ARID1B: variants seen among roughly 807,000 people sequenced by gnomAD.
ARID1B encodes the protein AT-rich interaction domain 1B, also known as AT-rich interactive domain-containing protein 1B.
A neutral mutation model predicts 212.3 loss-of-function variants in ARID1B; 30 were observed. The ratio of observed to expected loss-of-function variants is 0.14; its 90% CI spans 0.11 to 0.19. ARID1B has a LOEUF of 0.19. ARID1B is among the 10% of genes least tolerant of loss of function. The pLI is 1.00. For missense variants in ARID1B, 2,891 were observed against 3,204.0 expected (o/e 0.90, Z 2.36); for synonymous variants, 1,402 against 1,301.7 (o/e 1.08, Z -1.66).
At chr6:156,901,228 C>T (rs757369967) in intron 2 of ARID1B, 148 bp from the exon 3 acceptor site, 15 of 910,604 alleles carry the variant, frequency 1.6e-5, no homozygotes, top group Non-Finnish European at 2.0e-5. Context: ...AGCAGCGTGT[C>T]GATTTGTTTA....
rs1164805779 is a variant in ARID1B at position 156,945,233 on chromosome 6, C to CTTTTTTTTTTTTTTTTTT, written c.2247+9675_2247+9692dup. On this transcript the variant is annotated intron_variant, in intron 4 of 19. Coordinates refer to ENST00000636930, the MANE Select transcript of ARID1B (RefSeq NM_001374828.1). ...GACCGGTGTGAGCCCCCGCATCCGG[C>CTTTTTTTTTTTTTTTTTT]TTTTTTTTTTTTTTTTTTTTTTTTT... 9.2e-5 allele frequency among the ~76,000 whole-genome samples: 3 copies of CTTTTTTTTTTTTTTTTTT among 32,662 alleles called. 1 individual carries two copies. Among genetic ancestry groups the CTTTTTTTTTTTTTTTTTT allele is most frequent in the Non-Finnish European group, 1.2e-4 (2 of 17,240 alleles). 21.4% of individuals were successfully genotyped at this position (32,662 alleles called of 152,430 possible).
chr6:157,076,615 T>A (rs1784327780), intron 4 of ARID1B, among the ~76,000 whole-genome samples: 1 of 151,936 alleles, frequency 6.6e-6, no homozygotes, highest in Admixed American at 6.6e-5. Context: ...ACAGTAAAGT[T>A]GTTGTGGGTT....
chr6:157,100,757 T>G (rs1484422664), intron 5 of ARID1B, among the ~76,000 whole-genome samples: 1 of 152,210 alleles, frequency 6.6e-6, no homozygotes, highest in East Asian at 1.9e-4. Flanking sequence ...TGAGATAAGA[T>G]GTACAGTGAT....
intron 5 of ARID1B, among the ~76,000 whole-genome samples, chr6:157,109,005 T>C (rs964917303): frequency 1.3e-5 from 2 of 152,244 alleles, no homozygotes; most frequent in African/African-American, 2.4e-5. Flanking sequence ...ACAATTGTTT[T>C]ATAGTAATAT....
intron 8 of ARID1B, among the ~76,000 whole-genome samples, chr6:157,161,545 G>T (rs1562314074): frequency 6.6e-6 from 1 of 151,850 alleles, no homozygotes; most frequent in Non-Finnish European, 1.5e-5. Context: ...TACTGCTTTG[G>T]AAGAGTCACC....
intron 1 of ARID1B, among the ~76,000 whole-genome samples, chr6:156,805,661 G>T (rs1182845409): frequency 3.3e-5 from 5 of 151,942 alleles, no homozygotes; most frequent in African/African-American, 1.2e-4. Context: ...ATAGGAAAAA[G>T]AATTACATAT....
At chr6:156,980,842 G>A (rs1777562483) in intron 4 of ARID1B, among the ~76,000 whole-genome samples, 1 of 152,194 alleles carries the variant, frequency 6.6e-6, no homozygotes. Context: ...TTGACATACA[G>A]AAGAATACAC....
intron 4 of ARID1B, among the ~76,000 whole-genome samples, chr6:156,992,730 A>G (rs1443328205): frequency 6.6e-6 from 1 of 152,120 alleles, no homozygotes; most frequent in African/African-American, 2.4e-5. Context: ...GGGCCTTGGA[A>G]GACTGCCCTG....
intron 4 of ARID1B, among the ~76,000 whole-genome samples, chr6:157,041,321 T>G (rs760589168): frequency 6.6e-6 from 1 of 152,192 alleles, no homozygotes; most frequent in Non-Finnish European, 1.5e-5. Flanking sequence ...ATTACATTAC[T>G]AAACATAGGG....
rs139595304 is a variant in ARID1B at position 156,901,501 on chromosome 6, C to T, written c.2112C>T (p.Ser704=). ...PPQAQYLPSQ[S]QQRYQPQQDM... ...AGGCGCAGTATCTGCCGTCCCAGTCCCAGCAGAGGTACCAGCCGCAGCAGG... is the reference window on the plus strand; with the variant it reads ...AGGCGCAGTATCTGCCGTCCCAGTCTCAGCAGAGGTACCAGCCGCAGCAGG... Residue 704 remains serine (S), a synonymous_variant, in exon 3 of 20, where the codon TCC becomes TCT. Coordinates refer to ENST00000636930, the MANE Select transcript of ARID1B (RefSeq NM_001374828.1). 5.6e-6 allele frequency: 9 copies of T among 1,613,794 alleles called. No homozygotes were observed. In the African/African-American group the frequency reaches 9.3e-5, roughly 17 times the overall value.
intron 4 of ARID1B, among the ~76,000 whole-genome samples, chr6:156,977,407 G>T (rs1235081877): frequency 6.7e-6 from 1 of 150,142 alleles, no homozygotes. Context: ...AGGCTTATTC[G>T]TTTTCATTTA....
At chr6:157,110,738 T>C (rs895770467) in intron 6 of ARID1B, 177 bp downstream of exon 6, 6 of 663,812 alleles carry the variant, frequency 9.0e-6, no homozygotes, top group Non-Finnish European at 1.5e-5. Context: ...GGAGGATGCT[T>C]TCTTGTAGGT....
chr6:156,864,883 C>T (rs1785574531), intron 2 of ARID1B, among the ~76,000 whole-genome samples: 1 of 152,160 alleles, frequency 6.6e-6, no homozygotes, highest in African/African-American at 2.4e-5. Flanking sequence ...TGAGCCATGT[C>T]ATAAACTGTT....
In ARID1B at chr6:157,189,648, C is replaced by T. The variant is rs1321954955; in HGVS notation, c.3926C>T (p.Ser1309Leu). 1.9e-6 allele frequency: 3 copies of T among 1,607,496 alleles called. No individual in the cohort carries two copies. The highest frequency in any genetic ancestry group is 2.5e-6 in the Non-Finnish European group (3 of 1,178,756). Residue 1309 changes from serine to leucine, a missense_variant, in exon 14 of 20, where the codon TCG becomes TTG. Physicochemically the swap from Ser to Leu is moderately radical, Grantham distance 145 (BLOSUM62 -2). Transcript: ENST00000636930. ...TTGGTGCTGCTACTATCAGCTAACTCGGGATCCTTGCAAGGCCCACAGACC... is the reference window on the plus strand; with the variant it reads ...TTGGTGCTGCTACTATCAGCTAACTTGGGATCCTTGCAAGGCCCACAGACC... ...PKLQPPSPAN[S>L]GSLQGPQTPQ...
chr6:157,033,943 A>G (rs149805169), intron 4 of ARID1B, among the ~76,000 whole-genome samples: 34 of 152,312 alleles, frequency 2.2e-4, no homozygotes, highest in African/African-American at 8.2e-4. Context: ...CTCCCATTGA[A>G]GTGAAACATG....
At chr6:157,162,058 T>C (rs1328395808) in intron 8 of ARID1B, among the ~76,000 whole-genome samples, 3 of 152,234 alleles carry the variant, frequency 2.0e-5, no homozygotes, top group African/African-American at 4.8e-5. Flanking sequence ...CCATTTCTTC[T>C]GTCTGTCCCT....
At chr6:156,983,272 G>A (rs1335382571) in intron 4 of ARID1B, among the ~76,000 whole-genome samples, 2 of 152,044 alleles carry the variant, frequency 1.3e-5, no homozygotes, top group African/African-American at 2.4e-5. Flanking sequence ...GCAGGCGCCT[G>A]TAATCCCAGC....
At chr6:157,081,527 C>G (rs1163043447) in intron 4 of ARID1B, among the ~76,000 whole-genome samples, 1 of 152,200 alleles carries the variant, frequency 6.6e-6, no homozygotes. Context: ...TTTTATTACT[C>G]TTCTGTTACA....
intron 1 of ARID1B, among the ~76,000 whole-genome samples, chr6:156,813,106 ATATTTTT>A (rs1781719521): frequency 9.4e-6 from 1 of 105,944 alleles, no homozygotes; most frequent in African/African-American, 3.8e-5. Flanking sequence ...ACATATATAT[ATATTTTT>A]TTTTTTTTTG....
Sources: allele counts gnomAD v4.1 joint callset (sites outside exome capture counted in the v4.1 genomes callset), GRCh38; gene constraint gnomAD v4.1.1; transcripts MANE v1.5; gene names NCBI Gene and HGNC (gene_info 2026-07-23, HGNC 2026-07-21).